The following FIGN variants were observed in gnomAD, a reference collection of about 807,000 sequenced individuals.
The protein encoded by FIGN is fidgetin, microtubule severing factor.
Under a neutral mutation model 51.3 loss-of-function variants are expected in FIGN, and 11 were observed. The observed-to-expected ratio is 0.21, with a 90% confidence interval of 0.13 to 0.35. The LOEUF (loss-of-function observed/expected upper bound fraction) is 0.35, where lower values mean the gene tolerates loss of function less well. FIGN is among the 10% of genes least tolerant of loss of function. The pLI is 1.00. For synonymous variants in FIGN, 407 were observed against 363.2 expected (o/e 1.12, Z -1.37); for missense variants, 857 against 943.6 (o/e 0.91, Z 1.20).
At chr2:163,717,031 C>T (rs1026933971) in intron 2 of FIGN, among the ~76,000 whole-genome samples, 1 of 152,062 alleles carries the variant, frequency 6.6e-6, no homozygotes, top group Non-Finnish European at 1.5e-5. Context: ...TCCAAACACC[C>T]CTTAGAACTA....
At chr2:163,723,777 A>C (rs1684796764) in intron 2 of FIGN, among the ~76,000 whole-genome samples, 1 of 152,222 alleles carries the variant, frequency 6.6e-6, no homozygotes, top group Non-Finnish European at 1.5e-5. Flanking sequence ...CTTACAAGAG[A>C]AAAGCATTAG....
At chr2:163,685,868 C>T (rs1052748764) in intron 2 of FIGN, among the ~76,000 whole-genome samples, 2 of 152,074 alleles carry the variant, frequency 1.3e-5, no homozygotes, top group Admixed American at 6.5e-5. Context: ...TCTAGAACTG[C>T]ATTAAAGACA....
chr2:163,668,317 AG>A (rs1683817495), intron 2 of FIGN, among the ~76,000 whole-genome samples: 1 of 152,218 alleles, frequency 6.6e-6, no homozygotes, highest in Non-Finnish European at 1.5e-5. Flanking sequence ...TTCAAACTGA[AG>A]AAGAACCAGT....
At chr2:163,722,452 C>T (rs1684772873) in intron 2 of FIGN, among the ~76,000 whole-genome samples, 1 of 152,092 alleles carries the variant, frequency 6.6e-6, no homozygotes, top group Non-Finnish European at 1.5e-5. Flanking sequence ...TGTCAATCAA[C>T]TCTATATTGG....
In FIGN at chr2:163,610,966, G is replaced by C; in HGVS notation, c.866C>G (p.Thr289Ser). The C allele has an allele frequency of 6.2e-7, 1 of 1,613,876 alleles. No individual in the cohort carries two copies. Among genetic ancestry groups the C allele is most frequent in the Non-Finnish European group, 8.5e-7 (1 of 1,179,960 alleles). Residue 289 changes from threonine to serine, a missense_variant, in exon 3 of 3, where the codon ACT becomes AGT. By Grantham distance (58) the Thr-to-Ser change is moderately conservative (BLOSUM62 1). Coordinates refer to ENST00000333129, the MANE Select transcript of FIGN (RefSeq NM_018086.4). Reference sequence around the variant, plus strand: ...GCCCTGGTAGGTGTAGCCAGGAACAGTGGTGGGGGGTAGGGGGGTGGGAGC... The same window carrying C: ...GCCCTGGTAGGTGTAGCCAGGAACACTGGTGGGGGGTAGGGGGGTGGGAGC... ...IPAPTPLPPT[T>S]VPGYTYQGHG...
At chr2:163,675,536 G>A (rs1448613827) in intron 2 of FIGN, among the ~76,000 whole-genome samples, 4 of 152,128 alleles carry the variant, frequency 2.6e-5, no homozygotes, top group African/African-American at 7.2e-5. Flanking sequence ...ACTTTAACAA[G>A]TCTTCTGGGT....
At chr2:163,674,762 T>G (rs961018594) in intron 2 of FIGN, among the ~76,000 whole-genome samples, 6 of 152,202 alleles carry the variant, frequency 3.9e-5, no homozygotes, top group African/African-American at 1.2e-4. Context: ...TAGTGCCTTC[T>G]TCCTCCAAAG....
In FIGN at chr2:163,649,242, T is replaced by C. The variant is rs887338626; in HGVS notation, c.26-37436A>G. On this transcript the variant is annotated intron_variant, in intron 2 of 2. Coordinates refer to ENST00000333129, the MANE Select transcript of FIGN (RefSeq NM_018086.4). The stretch of plus-strand genomic sequence containing the variant: ...ATTACTGTGGTAGCTAGTTTCCAAA[T>C]GGCCTCCAATGAGCCATACTCCTCA... 2.6e-5 allele frequency among the ~76,000 whole-genome samples: 4 copies of C among 152,312 alleles called. No individual in the cohort carries two copies. In the South Asian group the frequency reaches 6.2e-4, roughly 24 times the overall value.
intron 2 of FIGN, among the ~76,000 whole-genome samples, chr2:163,673,363 A>G (rs1683908447): frequency 6.6e-6 from 1 of 152,116 alleles, no homozygotes; most frequent in Admixed American, 6.5e-5. Context: ...TCTCTTCTGG[A>G]CAAGGCAAAA....
chr2:163,670,709 T>C (rs1226503268), intron 2 of FIGN, among the ~76,000 whole-genome samples: 1 of 152,240 alleles, frequency 6.6e-6, no homozygotes, highest in African/African-American at 2.4e-5. Context: ...CACCAACTTA[T>C]TAAAAGTCTA....
In FIGN at chr2:163,603,666, C is replaced by T. The variant is rs1281256155; in HGVS notation, c.*5886G>A. Reference sequence around the variant, plus strand: ...GTCAGGCATACCGGAGTTTCAGATGCATTTCTGAATTCACATCTGTGGGAG... The same window carrying T: ...GTCAGGCATACCGGAGTTTCAGATGTATTTCTGAATTCACATCTGTGGGAG... On this transcript the variant is annotated 3_prime_UTR_variant, in exon 3 of 3. Transcript: ENST00000333129. 1 of 152,108 alleles carries T rather than the reference C, an allele frequency of 6.6e-6. No homozygotes were observed. Among genetic ancestry groups the T allele is most frequent in the Non-Finnish European group, 1.5e-5 (1 of 67,982 alleles). 9.4% of individuals were successfully genotyped at this position (152,108 alleles called of 1,614,324 possible). A position where few individuals can be genotyped will look rare whatever the true frequency, so the allele number is the denominator to read the frequency against.
intron 2 of FIGN, among the ~76,000 whole-genome samples, chr2:163,706,165 C>A (rs1684496330): frequency 6.6e-6 from 1 of 152,130 alleles, no homozygotes; most frequent in Admixed American, 6.6e-5. Flanking sequence ...CAAATTTACA[C>A]TTTATGGCTC....
At chr2:163,619,643 A>T (rs1447441206) in intron 2 of FIGN, among the ~76,000 whole-genome samples, 2 of 152,290 alleles carry the variant, frequency 1.3e-5, no homozygotes, top group Non-Finnish European at 2.9e-5. Flanking sequence ...AATGGCTTGC[A>T]TTTATGAGAA....
chr2:163,663,090 T>C (rs1164059686), intron 2 of FIGN, among the ~76,000 whole-genome samples: 1 of 152,086 alleles, frequency 6.6e-6, no homozygotes, highest in Non-Finnish European at 1.5e-5. Flanking sequence ...TAATTTTTTT[T>C]GGTATTTTTT....
At chr2:163,710,551 G>A (rs1302268144) in intron 2 of FIGN, among the ~76,000 whole-genome samples, 2 of 152,204 alleles carry the variant, frequency 1.3e-5, no homozygotes, top group South Asian at 2.1e-4. Context: ...AAAAAGCAAA[G>A]TAAAGCAAAA....
intron 2 of FIGN, among the ~76,000 whole-genome samples, chr2:163,660,858 C>CATATAT (rs1289524694): frequency 4.3e-4 from 10 of 23,410 alleles, no homozygotes; most frequent in African/African-American, 1.7e-3. Flanking sequence ...TATATGTATA[C>CATATAT]ATATATATAT....
At chr2:163,690,574 T>C (rs529413073) in intron 2 of FIGN, among the ~76,000 whole-genome samples, 1 of 152,240 alleles carries the variant, frequency 6.6e-6, no homozygotes, top group Non-Finnish European at 1.5e-5. Flanking sequence ...GTATGATTAT[T>C]AACAATACCA....
At chr2:163,712,305 T>C (rs1684598990) in intron 2 of FIGN, among the ~76,000 whole-genome samples, 7 of 152,194 alleles carry the variant, frequency 4.6e-5, no homozygotes, top group Admixed American at 3.9e-4. Flanking sequence ...CTTTGCAGCA[T>C]GAGATGTGTG....
chr2:163,676,436 T>TGA (rs1683966341), intron 2 of FIGN, among the ~76,000 whole-genome samples: 1 of 11,772 alleles, frequency 8.5e-5, no homozygotes, highest in Non-Finnish European at 1.6e-4. Flanking sequence ...ATTCCTGGAA[T>TGA]ATATATATAT....
Sources: allele counts gnomAD v4.1 joint callset (sites outside exome capture counted in the v4.1 genomes callset), GRCh38; gene constraint gnomAD v4.1.1; transcripts MANE v1.5; gene names NCBI Gene and HGNC (gene_info 2026-07-23, HGNC 2026-07-21).